Variants in SPATA31H1 observed in about 807,000 individuals in gnomAD.
The protein encoded by SPATA31H1 is spermatogenesis-associated protein 31H1.
chr2:27,571,906 A>G, the SPATA31H1 span: 1 of 398,522 alleles, frequency 2.5e-6, no homozygotes, highest in Non-Finnish European at 4.4e-6. Flanking sequence ...CTAAAGCAAC[A>G]GTTTCAAGGG....
the SPATA31H1 span, among the ~76,000 whole-genome samples, chr2:27,539,515 T>G: frequency 8.3e-6 from 1 of 120,722 alleles, no homozygotes; most frequent in African/African-American, 3.4e-5. Context: ...CATGTCTACT[T>G]CTATCCACAC....
chr2:27,579,928 C>G, the SPATA31H1 span: 2 of 1,614,220 alleles, frequency 1.2e-6, no homozygotes, highest in Non-Finnish European at 1.7e-6. Context: ...CTAAAATACC[C>G]TATCTGCCTA....
the SPATA31H1 span, among the ~76,000 whole-genome samples, chr2:27,560,012 C>T: frequency 1.3e-5 from 2 of 151,982 alleles, no homozygotes; most frequent in African/African-American, 2.4e-5. Context: ...GGACTACAGG[C>T]GCGCACCACC....
chr2:27,547,985 T>C, the SPATA31H1 span, among the ~76,000 whole-genome samples: 2 of 145,706 alleles, frequency 1.4e-5, no homozygotes, highest in Admixed American at 1.4e-4. Flanking sequence ...ATTTCTTTTT[T>C]TTTTTTTTTT....
the SPATA31H1 span, among the ~76,000 whole-genome samples, chr2:27,555,515 C>G: frequency 6.7e-6 from 1 of 149,170 alleles, no homozygotes; most frequent in African/African-American, 2.5e-5. Context: ...CTCCAAAAAC[C>G]AAAAAAAAAC....
chr2:27,550,504 C>G, the SPATA31H1 span, among the ~76,000 whole-genome samples: 3 of 149,064 alleles, frequency 2.0e-5, no homozygotes, highest in East Asian at 5.9e-4. Flanking sequence ...CTGCAACCTC[C>G]GCCTCCTGGG....
chr2:27,578,422 C>T, the SPATA31H1 span: 1 of 1,613,924 alleles, frequency 6.2e-7, no homozygotes, highest in South Asian at 1.1e-5. Context: ...GTTGTAGAAC[C>T]AATAGGAGTA....
At chr2:27,573,846 G>C in the SPATA31H1 span, 1 of 398,368 alleles carries the variant, frequency 2.5e-6, no homozygotes, top group African/African-American at 2.1e-5. Flanking sequence ...TGATAAAACT[G>C]TAGCGCTGAA....
At chr2:27,571,549 C>A in the SPATA31H1 span, 1 of 398,442 alleles carries the variant, frequency 2.5e-6, no homozygotes, top group Non-Finnish European at 4.4e-6. Context: ...GATATGAAAA[C>A]TGCTAAATTA....
At chr2:27,556,499 C>A in the SPATA31H1 span, among the ~76,000 whole-genome samples, 1 of 151,474 alleles carries the variant, frequency 6.6e-6, no homozygotes, top group Non-Finnish European at 1.5e-5. Context: ...TATCTATTTT[C>A]TTTCCATGCT....
At chr2:27,561,949 C>G in the SPATA31H1 span, among the ~76,000 whole-genome samples, 7 of 152,236 alleles carry the variant, frequency 4.6e-5, no homozygotes, top group Admixed American at 4.6e-4. Context: ...AATCTGCCAG[C>G]CTTGGCCTCC....
At chr2:27,580,958 T>A in the SPATA31H1 span, 58 of 1,614,020 alleles carry the variant, frequency 3.6e-5, no homozygotes, top group East Asian at 1.2e-3. Flanking sequence ...ATTCCCAAAG[T>A]GGTATTGCTT....
the SPATA31H1 span, chr2:27,573,766 C>T: frequency 1.5e-5 from 6 of 398,362 alleles, no homozygotes; most frequent in Non-Finnish European, 2.2e-5. Flanking sequence ...AAGTCTCCAG[C>T]GTTTACACAA....
chr2:27,555,414 G>A, the SPATA31H1 span, among the ~76,000 whole-genome samples: 1 of 151,910 alleles, frequency 6.6e-6, no homozygotes, highest in Non-Finnish European at 1.5e-5. Context: ...GTTCATGCCT[G>A]TAATCCCAGC....
the SPATA31H1 span, chr2:27,571,388 G>A: frequency 2.0e-5 from 8 of 398,244 alleles, no homozygotes; most frequent in East Asian, 2.5e-4. Flanking sequence ...AATCTGTGGC[G>A]ATAACCTTAG....
chr2:27,546,066 T>A, the SPATA31H1 span, among the ~76,000 whole-genome samples: 1 of 152,114 alleles, frequency 6.6e-6, no homozygotes. Context: ...TTGTAGGAAT[T>A]CTTTGAATAC....
chr2:27,578,647 CAG>C, the SPATA31H1 span: 5 of 1,614,144 alleles, frequency 3.1e-6, no homozygotes, highest in Non-Finnish European at 4.2e-6. Context: ...GTGATAAAAA[CAG>C]AGCCTCCTAA....
the SPATA31H1 span, chr2:27,568,409 T>C: frequency 1.3e-4 from 51 of 398,954 alleles, no homozygotes; most frequent in East Asian, 4.6e-4. Context: ...GGCTAATATG[T>C]CAAGACACAA....
At chr2:27,572,907 C>A in the SPATA31H1 span, 1 of 397,224 alleles carries the variant, frequency 2.5e-6, no homozygotes, top group South Asian at 1.3e-4. Flanking sequence ...AGGACCACAG[C>A]TGCAAAAAGG....
Sources: gnomAD v4.1 joint callset for allele counts (sites outside exome capture counted in the v4.1 genomes callset) on GRCh38, gnomAD v4.1.1 for gene constraint, MANE v1.5 for transcripts, NCBI Gene and HGNC (gene_info 2026-07-23, HGNC 2026-07-21) for gene names.